Variants in PTPRM observed in about 807,000 individuals in gnomAD.
PTPRM encodes the protein protein tyrosine phosphatase receptor type M, also known as receptor-type tyrosine-protein phosphatase mu.
Under a neutral mutation model 186.7 loss-of-function variants are expected in PTPRM, and 47 were observed. That is an observed-to-expected ratio of 0.25 (90% confidence interval 0.20 to 0.32). PTPRM has a LOEUF of 0.32. Among genes scored for constraint, PTPRM ranks in the 10% least tolerant of loss-of-function variants. The pLI, the probability that PTPRM is intolerant of heterozygous loss-of-function variation, is 1.00. For synonymous variants in PTPRM, 668 were observed against 674.9 expected (o/e 0.99, Z 0.16); for missense variants, 1,494 against 1,865.0 (o/e 0.80, Z 3.66).
In PTPRM at chr18:8,051,629, T is replaced by A. The variant is rs147104113; in HGVS notation, c.1133-18057T>A. ...AGTCCTGTGGGACTTGTTTTTTTAATTCAATATAATGTGTTTCTGAAACAC... is the reference window on the plus strand; with the variant it reads ...AGTCCTGTGGGACTTGTTTTTTTAAATCAATATAATGTGTTTCTGAAACAC... On this transcript the variant is annotated intron_variant, in intron 7 of 32. Coordinates refer to ENST00000580170, the MANE Select transcript of PTPRM (RefSeq NM_001105244.2). Among the ~76,000 whole-genome samples the A allele has an allele frequency of 4.3e-3, 653 of 152,362 alleles. 5 individuals are homozygous for A. The highest frequency in any genetic ancestry group is 0.015 in the African/African-American group (623 of 41,592).
intron 1 of PTPRM, among the ~76,000 whole-genome samples, chr18:7,610,944 T>C (rs2143848603): frequency 6.6e-6 from 1 of 152,282 alleles, no homozygotes; most frequent in Non-Finnish European, 1.5e-5. Flanking sequence ...CCATGTGTGT[T>C]ATTATGGCCC....
chr18:8,255,978 C>A (rs1321491911), intron 19 of PTPRM, among the ~76,000 whole-genome samples: 1 of 152,166 alleles, frequency 6.6e-6, no homozygotes, highest in Admixed American at 6.5e-5. Flanking sequence ...GTGAAAGGTC[C>A]CAGACTGCAG....
At chr18:7,704,712 G>A (rs1380668617) in intron 1 of PTPRM, among the ~76,000 whole-genome samples, 2 of 152,028 alleles carry the variant, frequency 1.3e-5, no homozygotes, top group African/African-American at 4.8e-5. Context: ...TTTAAAACAT[G>A]AACGGAAATA....
At chr18:8,021,914 A>G (rs1157105395) in intron 7 of PTPRM, among the ~76,000 whole-genome samples, 3 of 152,162 alleles carry the variant, frequency 2.0e-5, no homozygotes, top group Admixed American at 2.0e-4. Context: ...GTAAATTTAG[A>G]CTAATCAGTA....
At chr18:8,107,054 T>C (rs975934811) in intron 11 of PTPRM, among the ~76,000 whole-genome samples, 8 of 152,238 alleles carry the variant, frequency 5.3e-5, no homozygotes, top group African/African-American at 1.9e-4. Context: ...TTGATAGTAT[T>C]CTCTTTCTAT....
chr18:7,823,973 C>T (rs1291826964), intron 2 of PTPRM, among the ~76,000 whole-genome samples: 2 of 152,184 alleles, frequency 1.3e-5, no homozygotes, highest in Admixed American at 6.5e-5. Flanking sequence ...CCAACCTGCT[C>T]ACTGGATGGA....
intron 7 of PTPRM, among the ~76,000 whole-genome samples, chr18:8,018,804 G>C (rs941689655): frequency 1.3e-5 from 2 of 152,120 alleles, no homozygotes; most frequent in African/African-American, 4.8e-5. Context: ...GTGACATTCA[G>C]TTTCATTAAA....
intron 22 of PTPRM, among the ~76,000 whole-genome samples, chr18:8,341,785 C>A (rs148675238): frequency 1.3e-5 from 2 of 152,040 alleles, no homozygotes; most frequent in Non-Finnish European, 1.5e-5. Context: ...GTTAAGTACA[C>A]AATGAATGTA....
At chr18:7,890,286 G>C (rs144857096) in intron 3 of PTPRM, among the ~76,000 whole-genome samples, 1 of 152,304 alleles carries the variant, frequency 6.6e-6, no homozygotes, top group South Asian at 2.1e-4. Flanking sequence ...GCTAGACATA[G>C]GGAAGGGAAA....
At chr18:8,270,478 AC>A (rs1172405909) in intron 19 of PTPRM, 2 of 152,130 alleles carry the variant, frequency 1.3e-5, no homozygotes, top group Admixed American at 6.5e-5. Context: ...GTAATTTTTT[AC>A]CACCATTATG....
intron 2 of PTPRM, among the ~76,000 whole-genome samples, chr18:7,884,924 C>CAAAAAAAAAAAAAA (rs56724615): frequency 5.5e-4 from 21 of 37,840 alleles, no homozygotes; most frequent in South Asian, 2.3e-3. Flanking sequence ...AGCTCCATCT[C>CAAAAAAAAAAAAAA]AAAAAAAAAA....
chr18:8,390,127 T>C (rs1390917614), intron 31 of PTPRM, among the ~76,000 whole-genome samples: 2 of 152,184 alleles, frequency 1.3e-5, no homozygotes, highest in African/African-American at 4.8e-5. Flanking sequence ...ACAGCTAATC[T>C]TCTAATTAGC....
intron 7 of PTPRM, among the ~76,000 whole-genome samples, chr18:8,064,410 T>C (rs2088889673): frequency 6.6e-6 from 1 of 151,992 alleles, no homozygotes; most frequent in Non-Finnish European, 1.5e-5. Flanking sequence ...ACGAGTACTG[T>C]TTTTGAAATT....
intron 3 of PTPRM, among the ~76,000 whole-genome samples, chr18:7,899,757 T>C (rs923208375): frequency 3.3e-5 from 5 of 152,218 alleles, no homozygotes; most frequent in Admixed American, 3.3e-4. Flanking sequence ...ATAGAAGATT[T>C]TTGACTTCTA....
chr18:8,088,842 C>T lies in PTPRM; in HGVS notation c.1847C>T (p.Ala616Val). The T allele has an allele frequency of 6.2e-7, 1 of 1,607,288 alleles. No individual in the cohort carries two copies. The highest frequency in any genetic ancestry group is 8.5e-7 in the Non-Finnish European group (1 of 1,174,174). The part of the protein sequence containing the change: ...VMLKPAHSRG[A>V]PVSVYQIVVE... ...CTGAAACCTGCCCACAGCAGAGGAGCACCTGTCAGGTATGGAACAGAGGGT... is the reference window on the plus strand; with the variant it reads ...CTGAAACCTGCCCACAGCAGAGGAGTACCTGTCAGGTATGGAACAGAGGGT... Residue 616 changes from alanine to valine, a missense_variant, in exon 11 of 33, where the codon GCA becomes GTA. Transcript: ENST00000580170.
chr18:8,266,590 A>C (rs111391497), intron 19 of PTPRM, among the ~76,000 whole-genome samples: 3,309 of 152,290 alleles, frequency 0.022, 54 homozygotes, highest in South Asian at 0.057. Flanking sequence ...TTCTGAAATA[A>C]AGTACTTTTA....
intron 2 of PTPRM, among the ~76,000 whole-genome samples, chr18:7,875,697 A>C (rs1599218232): frequency 6.6e-6 from 1 of 151,712 alleles, no homozygotes; most frequent in Non-Finnish European, 1.5e-5. Flanking sequence ...GTTTGTAAAA[A>C]CCATTTCCTC....
At chr18:8,043,842 T>A (rs978583907) in intron 7 of PTPRM, among the ~76,000 whole-genome samples, 1 of 152,094 alleles carries the variant, frequency 6.6e-6, no homozygotes, top group Non-Finnish European at 1.5e-5. Context: ...GCGAGCTGGG[T>A]CTCAGGAGAG....
At chr18:7,676,255 A>G (rs968169490) in intron 1 of PTPRM, among the ~76,000 whole-genome samples, 6 of 152,098 alleles carry the variant, frequency 3.9e-5, no homozygotes, top group East Asian at 1.9e-4. Flanking sequence ...TATTGTTGCA[A>G]TTGTTAGAAA....
Sources: gnomAD v4.1 joint callset for allele counts (sites outside exome capture counted in the v4.1 genomes callset) on GRCh38, gnomAD v4.1.1 for gene constraint, MANE v1.5 for transcripts, NCBI Gene and HGNC (gene_info 2026-07-23, HGNC 2026-07-21) for gene names.